The following GPC6 variants were observed in gnomAD, a reference collection of about 807,000 sequenced individuals.
GPC6 encodes glypican 6.
In GPC6, 14 loss-of-function variants were observed where a neutral mutation model predicts 55.2. The ratio of observed to expected loss-of-function variants is 0.25; its 90% CI spans 0.17 to 0.40. The LOEUF (loss-of-function observed/expected upper bound fraction) is 0.40, where lower values mean the gene tolerates loss of function less well. Among genes scored for constraint, GPC6 ranks in the 10% least tolerant of loss-of-function variants. The pLI is 1.00. For synonymous variants in GPC6, 278 were observed against 259.6 expected (o/e 1.07, Z -0.68); for missense variants, 641 against 708.5 (o/e 0.90, Z 1.08).
intron 2 of GPC6, among the ~76,000 whole-genome samples, chr13:93,660,076 A>G (rs1465259687): frequency 6.6e-6 from 1 of 152,072 alleles, no homozygotes; most frequent in Non-Finnish European, 1.5e-5. Context: ...AAAGAACAGA[A>G]ATTTGAAAAA....
chr13:93,648,851 TC>T (rs1449060996), intron 2 of GPC6, among the ~76,000 whole-genome samples: 1 of 152,212 alleles, frequency 6.6e-6, no homozygotes, highest in Non-Finnish European at 1.5e-5. Flanking sequence ...ACTTATTTTT[TC>T]TTCCCAAGGT....
intron 1 of GPC6, among the ~76,000 whole-genome samples, chr13:93,238,534 A>G (rs976392052): frequency 2.0e-5 from 3 of 150,778 alleles, no homozygotes; most frequent in African/African-American, 7.3e-5. Context: ...ACATAGTTTG[A>G]CTTCCTCTTT....
In GPC6 at chr13:93,847,790, C is replaced by G. The variant is rs144025411; in HGVS notation, c.711+17245C>G. ...CAAATTGTGATGTGTAATTCATTTT[C>G]CTTTTGTAATATAGAGAGTCAGATC... On this transcript the variant is annotated intron_variant, in intron 3 of 8. Coordinates refer to ENST00000377047, the MANE Select transcript of GPC6 (RefSeq NM_005708.5). Among the ~76,000 whole-genome samples the G allele has an allele frequency of 4.3e-3, 660 of 152,164 alleles. 6 individuals carry two copies. The highest frequency in any genetic ancestry group is 0.015 in the African/African-American group (626 of 41,512).
At chr13:94,344,294 G>T (rs1268134636) in intron 6 of GPC6, among the ~76,000 whole-genome samples, 2 of 152,226 alleles carry the variant, frequency 1.3e-5, no homozygotes, top group Non-Finnish European at 2.9e-5. Flanking sequence ...GAAATGTAAA[G>T]AATGTTTTGT....
At position 93,573,017 on chromosome 13, in the gene GPC6, G is replaced by A. The variant is rs569809136; in HGVS notation, c.319+27596G>A. Among the ~76,000 whole-genome samples the A allele has an allele frequency of 1.2e-4, 18 of 152,094 alleles. 1 individual carries two copies. The South Asian group carries it at 3.7e-3, about 32-fold the overall frequency. On this transcript the variant is annotated intron_variant, in intron 2 of 8. Coordinates refer to ENST00000377047, the MANE Select transcript of GPC6 (RefSeq NM_005708.5). Reference sequence around the variant, plus strand: ...CAACTGAAGTGGTGAAGGAGGCAGGGGAAAAGGTTAGAGTATTTCAAGTCA... The same window carrying A: ...CAACTGAAGTGGTGAAGGAGGCAGGAGAAAAGGTTAGAGTATTTCAAGTCA...
At chr13:93,477,300 T>G (rs1879335767) in intron 1 of GPC6, among the ~76,000 whole-genome samples, 1 of 152,214 alleles carries the variant, frequency 6.6e-6, no homozygotes, top group South Asian at 2.1e-4. Context: ...ATTCAAATTG[T>G]GTAGTTACCT....
chr13:93,286,590 C>A (rs1010773562), intron 1 of GPC6, among the ~76,000 whole-genome samples: 1 of 152,136 alleles, frequency 6.6e-6, no homozygotes, highest in Non-Finnish European at 1.5e-5. Flanking sequence ...AATTTGTGTT[C>A]TGATAATTTT....
chr13:93,922,182 C>A (rs1198115438), intron 3 of GPC6, among the ~76,000 whole-genome samples: 2 of 152,132 alleles, frequency 1.3e-5, no homozygotes, highest in East Asian at 3.9e-4. Context: ...TGTGAAATTT[C>A]ATCCTTAGCA....
intron 2 of GPC6, among the ~76,000 whole-genome samples, chr13:93,598,497 C>T (rs556982488): frequency 2.0e-5 from 3 of 152,220 alleles, no homozygotes; most frequent in South Asian, 2.1e-4. Context: ...AGTATTTTCA[C>T]GTACATTGTC....
intron 3 of GPC6, among the ~76,000 whole-genome samples, chr13:93,922,386 T>C (rs1258926519): frequency 2.0e-5 from 3 of 152,198 alleles, no homozygotes; most frequent in African/African-American, 7.2e-5. Context: ...ATTTGGTACT[T>C]GAGGACTTAA....
At chr13:93,537,371 ATACTT>A (rs1299552857) in intron 1 of GPC6, among the ~76,000 whole-genome samples, 2 of 152,274 alleles carry the variant, frequency 1.3e-5, no homozygotes, top group South Asian at 2.1e-4. Flanking sequence ...TGCATCTACT[ATACTT>A]AGTTTGTATT....
At chr13:93,520,556 A>T (rs1881375013) in intron 1 of GPC6, among the ~76,000 whole-genome samples, 1 of 150,400 alleles carries the variant, frequency 6.6e-6, no homozygotes. Context: ...AAAAAAAAAC[A>T]CTTGAAGATT....
At chr13:93,734,040 G>T (rs1210743628) in intron 2 of GPC6, among the ~76,000 whole-genome samples, 1 of 152,060 alleles carries the variant, frequency 6.6e-6, no homozygotes, top group African/African-American at 2.4e-5. Context: ...TTAAATATTT[G>T]CTATTGAATT....
intron 1 of GPC6, among the ~76,000 whole-genome samples, chr13:93,342,747 G>A (rs912888620): frequency 6.6e-6 from 1 of 152,166 alleles, no homozygotes; most frequent in Non-Finnish European, 1.5e-5. Flanking sequence ...TACTGAGGGG[G>A]ACTGGATGAC....
chr13:93,402,407 T>C (rs1237605640), intron 1 of GPC6, among the ~76,000 whole-genome samples: 3 of 152,154 alleles, frequency 2.0e-5, no homozygotes, highest in African/African-American at 7.2e-5. Flanking sequence ...TTCTTATTCT[T>C]AATGAATGAT....
chr13:94,060,413 G>A (rs929961185), intron 4 of GPC6, among the ~76,000 whole-genome samples: 7 of 152,096 alleles, frequency 4.6e-5, no homozygotes, highest in Non-Finnish European at 8.8e-5. Flanking sequence ...GCACATAGTA[G>A]GTGTTCAGGA....
intron 4 of GPC6, among the ~76,000 whole-genome samples, chr13:94,099,414 G>A (rs941421068): frequency 6.6e-6 from 1 of 151,958 alleles, no homozygotes; most frequent in East Asian, 1.9e-4. Context: ...TTATTCATGG[G>A]TATTTTTTGC....
chr13:94,083,180 G>A (rs1443330104), intron 4 of GPC6, among the ~76,000 whole-genome samples: 7 of 152,152 alleles, frequency 4.6e-5, no homozygotes, highest in African/African-American at 1.7e-4. Context: ...GTGCAGTGGT[G>A]CAATCTCGGG....
intron 2 of GPC6, among the ~76,000 whole-genome samples, chr13:93,660,688 A>G (rs1880885466): frequency 6.6e-6 from 1 of 152,156 alleles, no homozygotes; most frequent in Non-Finnish European, 1.5e-5. Flanking sequence ...AGTTGTCTCT[A>G]GATTTGGGCT....
Sources: gnomAD v4.1 joint callset for allele counts (sites outside exome capture counted in the v4.1 genomes callset) on GRCh38, gnomAD v4.1.1 for gene constraint, MANE v1.5 for transcripts, NCBI Gene and HGNC (gene_info 2026-07-23, HGNC 2026-07-21) for gene names.